Variants in CALN1 observed in about 807,000 individuals in gnomAD.
CALN1 encodes the protein calneuron 1, also known as calcium-binding protein 8.
In CALN1, 17 loss-of-function variants were observed where a neutral mutation model predicts 30.6. The observed-to-expected ratio is 0.56, with a 90% CI of 0.38 to 0.83. CALN1 has a LOEUF of 0.83. Ranked by LOEUF, CALN1 falls within the 40% of genes least tolerant of loss-of-function variation. The pLI, the probability that CALN1 is intolerant of heterozygous loss-of-function variation, is 0.00. For synonymous variants in CALN1, 156 were observed against 131.4 expected (o/e 1.19, Z -1.28); for missense variants, 291 against 354.9 (o/e 0.82, Z 1.45).
intron 5 of CALN1, among the ~76,000 whole-genome samples, chr7:71,865,547 G>C (rs1791536807): frequency 6.6e-6 from 1 of 152,188 alleles, no homozygotes; most frequent in East Asian, 1.9e-4. Flanking sequence ...AGTTCTCAAA[G>C]CCTTATCTGG....
intron 2 of CALN1, among the ~76,000 whole-genome samples, chr7:72,304,663 A>G (rs929205229): frequency 2.0e-5 from 3 of 152,100 alleles, no homozygotes; most frequent in Admixed American, 6.5e-5. Context: ...TCCTATTCTT[A>G]TATTACTTTC....
At chr7:72,458,929 G>A in the CALN1 span, among the ~76,000 whole-genome samples, 1 of 140,206 alleles carries the variant, frequency 7.1e-6, no homozygotes, top group Non-Finnish European at 1.5e-5. Flanking sequence ...TTTTTGTTTT[G>A]AGACAGAGTC....
At chr7:71,890,927 G>A (rs1305486157) in intron 5 of CALN1, among the ~76,000 whole-genome samples, 2 of 151,704 alleles carry the variant, frequency 1.3e-5, no homozygotes, top group Non-Finnish European at 2.9e-5. Flanking sequence ...TTGTATGTTT[G>A]GTAGAGACAG....
intron 2 of CALN1, among the ~76,000 whole-genome samples, chr7:72,355,541 A>G (rs1803172975): frequency 6.6e-6 from 1 of 152,160 alleles, no homozygotes; most frequent in South Asian, 2.1e-4. Flanking sequence ...AAATGGAACA[A>G]AAACAAAACA....
At chr7:72,453,993 A>AATATAT in the CALN1 span, among the ~76,000 whole-genome samples, 126 of 148,212 alleles carry the variant, frequency 8.5e-4, no homozygotes, top group Middle Eastern at 3.5e-3. Context: ...ACAACCAAAA[A>AATATAT]ATATATATAT....
Position 71,873,042 on chromosome 7 carries a change from C to T in CALN1, c.502-62550G>A, listed in dbSNP as rs138527135. Reference sequence around the variant, plus strand: ...TTTTTGAGATGGAGTCTCACCCTGTCACCCAGTCTGGAGTGCAGTGGCGCG... The same window carrying T: ...TTTTTGAGATGGAGTCTCACCCTGTTACCCAGTCTGGAGTGCAGTGGCGCG... On this transcript the variant is annotated intron_variant, in intron 5 of 6. Coordinates refer to ENST00000395275, the MANE Select transcript of CALN1 (RefSeq NM_031468.4). 2.7e-3 allele frequency among the ~76,000 whole-genome samples: 361 copies of T among 136,034 alleles called. 2 individuals are homozygous for T. The highest frequency in any genetic ancestry group is 0.01 in the African/African-American group (350 of 34,712). 89.2% of individuals were successfully genotyped at this position (136,034 alleles called of 152,430 possible).
chr7:72,314,037 G>GT (rs1233384354), intron 2 of CALN1, among the ~76,000 whole-genome samples: 1 of 152,138 alleles, frequency 6.6e-6, no homozygotes, highest in Non-Finnish European at 1.5e-5. Context: ...CCCTATGCCT[G>GT]TGTTCCTGGA....
intron 3 of CALN1, among the ~76,000 whole-genome samples, chr7:72,138,607 G>A (rs1276826349): frequency 6.6e-6 from 1 of 152,196 alleles, no homozygotes; most frequent in Non-Finnish European, 1.5e-5. Flanking sequence ...CACCGGCTGA[G>A]AACTGAGTTA....
intron 4 of CALN1, among the ~76,000 whole-genome samples, chr7:72,025,725 C>T (rs996146029): frequency 2.6e-5 from 4 of 152,186 alleles, no homozygotes; most frequent in African/African-American, 9.6e-5. Context: ...CTGCAGCCAG[C>T]ACAGACAGCC....
chr7:72,036,194 T>G (rs1336137091), intron 4 of CALN1, among the ~76,000 whole-genome samples: 1 of 152,232 alleles, frequency 6.6e-6, no homozygotes, highest in Non-Finnish European at 1.5e-5. Context: ...ATCCAAAGTT[T>G]CTGGTGAGAA....
chr7:71,901,976 A>G (rs953967681), intron 5 of CALN1, among the ~76,000 whole-genome samples: 2 of 152,228 alleles, frequency 1.3e-5, no homozygotes, highest in African/African-American at 4.8e-5. Flanking sequence ...TAACAGAGTG[A>G]ACAGGCAGCC....
At chr7:72,292,203 A>T (rs1399716923) in intron 2 of CALN1, among the ~76,000 whole-genome samples, 1 of 151,870 alleles carries the variant, frequency 6.6e-6, no homozygotes, top group Non-Finnish European at 1.5e-5. Context: ...TTAAACAACA[A>T]ACATTTATTT....
intron 1 of CALN1, among the ~76,000 whole-genome samples, chr7:72,427,676 TA>T (rs1807840103): frequency 6.6e-6 from 1 of 151,650 alleles, no homozygotes; most frequent in Non-Finnish European, 1.5e-5. Flanking sequence ...TTTTTATTTT[TA>T]TTTTTTTGTA....
intron 2 of CALN1, among the ~76,000 whole-genome samples, chr7:72,344,217 G>A (rs1802512157): frequency 6.6e-6 from 1 of 152,066 alleles, no homozygotes; most frequent in Non-Finnish European, 1.5e-5. Context: ...TACAGATTCT[G>A]TTGGAGAGAG....
At chr7:72,119,243 G>A (rs1207310174) in intron 3 of CALN1, among the ~76,000 whole-genome samples, 2 of 152,140 alleles carry the variant, frequency 1.3e-5, no homozygotes, top group African/African-American at 2.4e-5. Context: ...CATGGCTGGG[G>A]AGGCCTCACA....
In CALN1 at chr7:72,323,023, C is replaced by T. The variant is rs535816101; in HGVS notation, c.120-44213G>A. Among the ~76,000 whole-genome samples the T allele has an allele frequency of 7.0e-5, 10 of 143,326 alleles. No homozygotes were observed. In the South Asian group the frequency reaches 1.3e-3, roughly 19 times the overall value. 94.0% of individuals were successfully genotyped at this position (143,326 alleles called of 152,430 possible). On this transcript the variant is annotated intron_variant, in intron 2 of 6. Coordinates refer to ENST00000395275, the MANE Select transcript of CALN1 (RefSeq NM_031468.4). ...GGGGAGGGGAGGGGAGGGGAAGGCA[C>T]GCAAAAAAACCAATTTGTAATTCAA... is the stretch of plus-strand genomic sequence containing the variant.
chr7:72,167,033 C>G (rs1788575147), intron 3 of CALN1, among the ~76,000 whole-genome samples: 1 of 148,044 alleles, frequency 6.8e-6, no homozygotes, highest in African/African-American at 2.5e-5. Flanking sequence ...GACCCTGTCT[C>G]AAGGAAAAAA....
At chr7:72,429,052 C>T (rs991508742) in intron 1 of CALN1, among the ~76,000 whole-genome samples, 3 of 152,134 alleles carry the variant, frequency 2.0e-5, no homozygotes, top group African/African-American at 7.2e-5. Flanking sequence ...CAAAAACTGA[C>T]AAATAATATT....
At chr7:72,034,530 C>A (rs1801666669) in intron 4 of CALN1, among the ~76,000 whole-genome samples, 1 of 151,536 alleles carries the variant, frequency 6.6e-6, no homozygotes, top group Non-Finnish European at 1.5e-5. Flanking sequence ...CGGTGGCTCA[C>A]CCCTGTAATC....
Sources: gnomAD v4.1 joint callset for allele counts (sites outside exome capture counted in the v4.1 genomes callset) on GRCh38, gnomAD v4.1.1 for gene constraint, MANE v1.5 for transcripts, NCBI Gene and HGNC (gene_info 2026-07-23, HGNC 2026-07-21) for gene names.